MYBPC2: variants seen among roughly 807,000 people sequenced by gnomAD.
The protein encoded by MYBPC2 is myosin-binding protein C, fast-type.
A neutral mutation model predicts 137.0 loss-of-function variants in MYBPC2; 122 were observed. That is an observed-to-expected ratio of 0.89 (90% CI 0.77 to 1.03). The LOEUF is 1.03. Among genes scored for constraint, MYBPC2 ranks in the 50% least tolerant of loss-of-function variants. The pLI, the probability that MYBPC2 is intolerant of heterozygous loss-of-function variation, is 0.00. For missense variants in MYBPC2, 1,500 were observed against 1,534.4 expected (o/e 0.98, Z 0.37); for synonymous variants, 626 against 612.3 (o/e 1.02, Z -0.33).
Position 50,451,328 on chromosome 19 carries a change from G to A in MYBPC2, c.1609+19G>A, listed in dbSNP as rs762673547. 2 of 1,613,002 alleles carry A rather than the reference G, an allele frequency of 1.2e-6. No homozygotes were observed. The highest frequency in any genetic ancestry group is 1.7e-6 in the Non-Finnish European group (2 of 1,179,718). ...AAGCAAGGTGAGCACCACGGGCTGCGCTGGGAGCGGGTCTGAGGGAGGAGG... is the reference window on the plus strand; with the variant it reads ...AAGCAAGGTGAGCACCACGGGCTGCACTGGGAGCGGGTCTGAGGGAGGAGG... On this transcript the variant is annotated intron_variant, in intron 15 of 27. Transcript: ENST00000357701.
Position 50,458,767 on chromosome 19 carries a change from T to C in MYBPC2, c.2506+13T>C. The C allele has an allele frequency of 6.2e-7, 1 of 1,606,370 alleles. No individual in the cohort carries two copies. The highest frequency in any genetic ancestry group is 8.5e-7 in the Non-Finnish European group (1 of 1,179,524). On this transcript the variant is annotated intron_variant, in intron 21 of 27. Coordinates refer to ENST00000357701, the MANE Select transcript of MYBPC2 (RefSeq NM_004533.4). ...AGGGAGATTGCGGGTGCGTGGCCCC[T>C]GACCCTGCGCTCCGAAAGACCAAGC...
intron 11 of MYBPC2, among the ~76,000 whole-genome samples, chr19:50,444,605 G>A (rs1368268855): frequency 6.6e-6 from 1 of 152,032 alleles, no homozygotes; most frequent in East Asian, 1.9e-4. Context: ...ACATGGCCGG[G>A]CGCGGTGGCT....
chr19:50,450,545 AGATGT>A (rs561301352), intron 13 of MYBPC2, among the ~76,000 whole-genome samples: 30 of 152,290 alleles, frequency 2.0e-4, no homozygotes, highest in Middle Eastern at 3.4e-3. Flanking sequence ...CTGGGATTAC[AGATGT>A]GAGCCACTGC....
Position 50,448,325 on chromosome 19 carries a change from C to T in MYBPC2, c.1407C>T (p.Gly469=), listed in dbSNP as rs2039824828. The change falls in exon 13 of 28, where the codon GGC becomes GGT. Residue 469 remains glycine (G), a synonymous_variant. Coordinates refer to ENST00000357701, the MANE Select transcript of MYBPC2 (RefSeq NM_004533.4). The part of the protein sequence containing the change: ...KCEVSDEKVT[G]KWYKNGVEVR... ...AGGTGTCTGATGAGAAAGTGACGGGCAAGTGGTATAAGAATGGGGTCGAGG... is the reference window on the plus strand; with the variant it reads ...AGGTGTCTGATGAGAAAGTGACGGGTAAGTGGTATAAGAATGGGGTCGAGG... 1 of 1,613,886 alleles carries T rather than the reference C, an allele frequency of 6.2e-7. No homozygotes were observed. Among genetic ancestry groups the T allele is most frequent in the South Asian group, 1.1e-5 (1 of 91,082 alleles).
At chr19:50,445,710 C>G (rs1357353380) in intron 11 of MYBPC2, among the ~76,000 whole-genome samples, 170 bp from the exon 12 acceptor site, 6 of 152,002 alleles carry the variant, frequency 3.9e-5, no homozygotes, top group Admixed American at 3.3e-4. Flanking sequence ...TCCCCTTCAC[C>G]TGACCTGTGA....
intron 12 of MYBPC2, among the ~76,000 whole-genome samples, chr19:50,446,981 C>T (rs577113373): frequency 4.3e-5 from 6 of 139,262 alleles, no homozygotes; most frequent in South Asian, 2.2e-4. Context: ...AGCAAGACTC[C>T]GTCTTAAAAA....
chr19:50,448,530 G>A (rs1348705263), intron 13 of MYBPC2, 140 bp downstream of exon 13: 27 of 1,150,868 alleles, frequency 2.3e-5, no homozygotes, highest in East Asian at 5.6e-5. Flanking sequence ...GTGCAATGGC[G>A]CGATCTCAGC....
intron 20 of MYBPC2, among the ~76,000 whole-genome samples, chr19:50,456,664 C>T (rs1015161941): frequency 6.6e-6 from 1 of 151,962 alleles, no homozygotes; most frequent in African/African-American, 2.4e-5. Context: ...TCTTGATCTT[C>T]TGACCTCGTG....
intron 7 of MYBPC2, among the ~76,000 whole-genome samples, chr19:50,439,966 T>C (rs2039736307): frequency 6.6e-6 from 1 of 151,884 alleles, no homozygotes; most frequent in African/African-American, 2.4e-5. Context: ...GTCATGAAGG[T>C]AGGGAAACAT....
chr19:50,461,501 G>A, intron 24 of MYBPC2, 41 bp from the exon 25 acceptor site: 2 of 1,597,572 alleles, frequency 1.3e-6, no homozygotes, highest in South Asian at 1.1e-5. Flanking sequence ...GTGTGATCCT[G>A]TGGCCCCGAC....
rs1024543401 is a variant in MYBPC2 at position 50,451,849 on chromosome 19, C to T, written c.1610-15C>T. The T allele has an allele frequency of 8.8e-6, 14 of 1,587,128 alleles. No homozygotes were observed. In the Admixed American group the frequency reaches 1.8e-4, roughly 20 times the overall value. Reference sequence around the variant, plus strand: ...TCCCACTCCCAGGGTCCCTGTATCTCTTCTGTGCCACCAGAGCCACCAAAG... The same window carrying T: ...TCCCACTCCCAGGGTCCCTGTATCTTTTCTGTGCCACCAGAGCCACCAAAG... On this transcript the variant is annotated splice_polypyrimidine_tract_variant and intron_variant, in intron 15 of 27. Coordinates refer to ENST00000357701, the MANE Select transcript of MYBPC2 (RefSeq NM_004533.4).
At chr19:50,436,511 G>C in intron 4 of MYBPC2, 106 bp from the exon 5 acceptor site, 2 of 1,026,456 alleles carry the variant, frequency 1.9e-6, no homozygotes, top group Non-Finnish European at 2.9e-6. Context: ...CCCCCCTGTG[G>C]GGTGGGGGTG....
Position 50,445,947 on chromosome 19 carries a change from G to C in MYBPC2, c.1201G>C (p.Gly401Arg). ...FKARYRFKKD[G>R]KRHILIFSDV... is the part of the protein sequence containing the mutation. ...GGCCCGGTACCGCTTCAAGAAGGAC[G>C]GGAAGCGCCACATCCTCATCTTCTC... The change falls in exon 12 of 28, where the codon GGG becomes CGG. Residue 401 changes from glycine (G) to arginine (R), a missense_variant. Gly to Arg is a moderately radical substitution (Grantham distance 125). Transcript: ENST00000357701. 1 of 1,612,254 alleles carries C rather than the reference G, an allele frequency of 6.2e-7. No individual in the cohort carries two copies. The highest frequency in any genetic ancestry group is 1.1e-5 in the South Asian group (1 of 90,550).
intron 22 of MYBPC2, 30 bp downstream of exon 22, chr19:50,459,036 T>C (rs1226855038): frequency 6.3e-7 from 1 of 1,583,868 alleles, no homozygotes; most frequent in Non-Finnish European, 8.6e-7. Flanking sequence ...GGGCCGGGGG[T>C]CCGCTCTCGC....
At chr19:50,441,722 C>T (rs1159758424) in intron 8 of MYBPC2, among the ~76,000 whole-genome samples, 1 of 152,036 alleles carries the variant, frequency 6.6e-6, no homozygotes, top group Non-Finnish European at 1.5e-5. Context: ...CACCTGTAAT[C>T]CCAGCAACTT....
chr19:50,432,988 C>G lies in MYBPC2; in HGVS notation c.19+16C>G. On this transcript the variant is annotated intron_variant, in intron 1 of 27. Coordinates refer to ENST00000357701, the MANE Select transcript of MYBPC2 (RefSeq NM_004533.4). This position sits in a 1 kb window ranked among gnomAD's most constrained non-coding sequence, Gnocchi z 5.5. ...GCAAAACCAGGTGGCGCCAGGACCC[C>G]CTCCCTGTGTGGGGATGGGGCTCTT... 2 of 1,592,122 alleles carry G rather than the reference C, an allele frequency of 1.3e-6. No homozygotes were observed. Among genetic ancestry groups the G allele is most frequent in the Non-Finnish European group, 1.7e-6 (2 of 1,171,342 alleles).
At chr19:50,448,180 C>T (rs1001602891) in intron 12 of MYBPC2, 45 bp from the exon 13 acceptor site, 32 of 1,574,552 alleles carry the variant, frequency 2.0e-5, no homozygotes, top group Non-Finnish European at 2.4e-5. Flanking sequence ...TGTCTGTGCA[C>T]TGACTAGAGT....
chr19:50,443,866 T>A (rs1475854515), intron 11 of MYBPC2, 50 bp downstream of exon 11: 2 of 1,543,380 alleles, frequency 1.3e-6, no homozygotes, highest in Admixed American at 3.4e-5. Context: ...ATAGTTTCTT[T>A]GCCTCTGCCT....
intron 16 of MYBPC2, among the ~76,000 whole-genome samples, chr19:50,453,738 C>T (rs951164359): frequency 1.3e-5 from 2 of 152,020 alleles, no homozygotes; most frequent in Non-Finnish European, 2.9e-5. Flanking sequence ...TGGGGTTTCA[C>T]CATGTTGGCC....
Sources: gnomAD v4.1 joint callset for allele counts (sites outside exome capture counted in the v4.1 genomes callset) on GRCh38, gnomAD v4.1.1 for gene constraint, Gnocchi (gnomAD v3.1) non-coding constraint, MANE v1.5 for transcripts, NCBI Gene and HGNC (gene_info 2026-07-23, HGNC 2026-07-21) for gene names.